The following RBFOX3 variants were observed in gnomAD, a reference collection of about 807,000 sequenced individuals.
The protein encoded by RBFOX3 is RNA binding protein fox-1 homolog 3.
A neutral mutation model predicts 48.7 loss-of-function variants in RBFOX3; 17 were observed. The ratio of observed to expected loss-of-function variants is 0.35; its 90% CI spans 0.24 to 0.52. The LOEUF is 0.52. Among genes scored for constraint, RBFOX3 ranks in the 20% least tolerant of loss-of-function variants. The pLI is 0.94. For synonymous variants in RBFOX3, 212 were observed against 209.5 expected (o/e 1.01, Z -0.10); for missense variants, 382 against 497.5 (o/e 0.77, Z 2.21).
chr17:79,663,574 C>T, the RBFOX3 span, among the ~76,000 whole-genome samples: 1 of 152,180 alleles, frequency 6.6e-6, no homozygotes. Context: ...GTTCCTCATT[C>T]TTTGCCACTT....
In RBFOX3 at chr17:79,089,848, G is replaced by A. The variant is rs1216096652; in HGVS notation, c.*1035C>T. ...CACCTGCCTTGGGAGCAGGGAAGGG[G>A]CCGGCCCAGGCTTCCCCATCCCTTG... On this transcript the variant is annotated 3_prime_UTR_variant, in exon 15 of 15. Coordinates refer to ENST00000693108, the MANE Select transcript of RBFOX3 (RefSeq NM_001350451.2). 2.0e-5 allele frequency: 3 copies of A among 152,520 alleles called. No individual in the cohort carries two copies. Among genetic ancestry groups the A allele is most frequent in the African/African-American group, 4.8e-5 (2 of 41,444 alleles). The allele number at this position is 152,520 out of a possible 1,614,324, so 9.4% of individuals were successfully genotyped here. A position where few individuals can be genotyped will look rare whatever the true frequency, so the allele number is the denominator to read the frequency against.
chr17:79,628,611 G>A, the RBFOX3 span, among the ~76,000 whole-genome samples: 30 of 152,258 alleles, frequency 2.0e-4, no homozygotes, highest in African/African-American at 7.0e-4. Flanking sequence ...GGGGCACTCG[G>A]TGCATTCACC....
intron 4 of RBFOX3, among the ~76,000 whole-genome samples, chr17:79,169,866 C>T (rs774206517): frequency 2.7e-5 from 4 of 149,888 alleles, no homozygotes; most frequent in African/African-American, 7.4e-5. Flanking sequence ...GTAAATGTTA[C>T]GATACGTAAA....
At chr17:79,172,936 A>T (rs1014212401) in intron 4 of RBFOX3, among the ~76,000 whole-genome samples, 3 of 152,172 alleles carry the variant, frequency 2.0e-5, no homozygotes, top group African/African-American at 7.2e-5. Flanking sequence ...CAGACGGGTG[A>T]GGTGGCTCAT....
chr17:79,366,247 G>C (rs549568971), intron 2 of RBFOX3, among the ~76,000 whole-genome samples: 1 of 152,222 alleles, frequency 6.6e-6, no homozygotes, highest in Non-Finnish European at 1.5e-5. Flanking sequence ...TCTGGTAGAC[G>C]ATCAGGCATC....
rs375986774 is a variant in RBFOX3, at chr17:79,097,541, G to A, written c.623-117C>T. On this transcript the variant is annotated intron_variant, in intron 10 of 14. Transcript: ENST00000693108. ...AGCCCCCAACCCCTCCCCAAGCCCC[G>A]CCCCCGGAGCGCTACTCAGTCAACA... The A allele has an allele frequency of 1.5e-3, 772 of 500,254 alleles. 5 individuals carry two copies. In the African/African-American group the frequency reaches 0.049, roughly 32 times the overall value. 31.0% of individuals were successfully genotyped at this position (500,254 alleles called of 1,614,324 possible).
chr17:79,543,442 C>T (rs2089991073), intron 1 of RBFOX3, among the ~76,000 whole-genome samples: 1 of 152,048 alleles, frequency 6.6e-6, no homozygotes, highest in Non-Finnish European at 1.5e-5. Context: ...AGAATTTCCC[C>T]TCCTGACAAG....
Position 79,425,466 on chromosome 17 carries a change from G to A in RBFOX3, c.-175+56988C>T, listed in dbSNP as rs544383504. Among the ~76,000 whole-genome samples the A allele has an allele frequency of 3.3e-5, 5 of 152,374 alleles. No homozygotes were observed. In the South Asian group the frequency reaches 1.0e-3, roughly 32 times the overall value. On this transcript the variant is annotated intron_variant, in intron 2 of 14. Coordinates refer to ENST00000693108, the MANE Select transcript of RBFOX3 (RefSeq NM_001350451.2). ...GAAGGAGGCACCTCCCACCCGGACT[G>A]GAGCCGTGTCCACAGCTGCCAAGGA...
intron 2 of RBFOX3, among the ~76,000 whole-genome samples, chr17:79,324,760 G>T (rs896465230): frequency 6.6e-6 from 1 of 152,212 alleles, no homozygotes; most frequent in African/African-American, 2.4e-5. Context: ...GCCAACACCT[G>T]GCCGAGCAAC....
chr17:79,488,525 T>C (rs1309637671), intron 1 of RBFOX3, among the ~76,000 whole-genome samples: 1 of 152,204 alleles, frequency 6.6e-6, no homozygotes, highest in Non-Finnish European at 1.5e-5. Context: ...CCTTGGAACA[T>C]TCCAGGCCAT....
At chr17:79,638,890 C>T in the RBFOX3 span, among the ~76,000 whole-genome samples, 5 of 152,200 alleles carry the variant, frequency 3.3e-5, no homozygotes, top group Non-Finnish European at 5.9e-5. Context: ...TGGCATCACA[C>T]TTTTTGTAGT....
At chr17:79,309,600 C>A (rs935117819) in intron 2 of RBFOX3, among the ~76,000 whole-genome samples, 4 of 152,220 alleles carry the variant, frequency 2.6e-5, no homozygotes, top group Admixed American at 1.3e-4. Flanking sequence ...CCTGCCGCAT[C>A]TACTCATGGC....
rs528025054 is a variant in RBFOX3, at chr17:79,421,042, A to G, written c.-175+61412T>C. Among the ~76,000 whole-genome samples, 5 of 150,900 alleles carry G rather than the reference A, an allele frequency of 3.3e-5. No individual in the cohort carries two copies. Among genetic ancestry groups the G allele is most frequent in the Non-Finnish European group, 5.9e-5 (4 of 67,576 alleles). ...CCCTGGTGGGTTGAGGGGCTTCCCT[A>G]CTGGGTGAGCCTCCCCAGGTGGGTC... On this transcript the variant is annotated intron_variant, in intron 2 of 14. Transcript: ENST00000693108. This position sits in a 1 kb window ranked among gnomAD's most constrained non-coding sequence, Gnocchi z 4.5.
Position 79,247,186 on chromosome 17 carries a change from C to T in RBFOX3, c.-73-11381G>A, listed in dbSNP as rs534435855. Among the ~76,000 whole-genome samples the T allele has an allele frequency of 2.7e-3, 407 of 152,124 alleles. 1 individual carries two copies. Among genetic ancestry groups the T allele is most frequent in the African/African-American group, 9.0e-3 (372 of 41,498 alleles). On this transcript the variant is annotated intron_variant, in intron 3 of 14. Coordinates refer to ENST00000693108, the MANE Select transcript of RBFOX3 (RefSeq NM_001350451.2). ...TAGAATGGCTGGTCTGTGGAGCCCACGGGAGCCAGCCGGAGGTCCTAAAAA... is the reference window on the plus strand; with the variant it reads ...TAGAATGGCTGGTCTGTGGAGCCCATGGGAGCCAGCCGGAGGTCCTAAAAA...
intron 2 of RBFOX3, among the ~76,000 whole-genome samples, chr17:79,448,827 C>T (rs781824152): frequency 6.6e-6 from 1 of 152,168 alleles, no homozygotes; most frequent in African/African-American, 2.4e-5. Flanking sequence ...TCTCCCTCTC[C>T]CCACCTGGAC....
At chr17:79,312,566 T>C (rs1011654685) in intron 2 of RBFOX3, among the ~76,000 whole-genome samples, 2 of 151,896 alleles carry the variant, frequency 1.3e-5, no homozygotes, top group Non-Finnish European at 2.9e-5. Flanking sequence ...TGGGGGCAGG[T>C]GGTGGGGCTG....
rs924969064 is a variant in RBFOX3 at position 79,473,235 on chromosome 17, C to A, written c.-175+9219G>T. On this transcript the variant is annotated intron_variant, in intron 2 of 14. Coordinates refer to ENST00000693108, the MANE Select transcript of RBFOX3 (RefSeq NM_001350451.2). The surrounding 1 kb of genome is among the most constrained non-coding windows in gnomAD (Gnocchi z 4.2). ...CAGCACCTCACGGGCTGGCACCCAT[C>A]CACAGACCTCACTTTGAGTAGCTGA... Among the ~76,000 whole-genome samples the A allele has an allele frequency of 1.3e-5, 2 of 152,228 alleles. No individual in the cohort carries two copies. Among genetic ancestry groups the A allele is most frequent in the African/African-American group, 4.8e-5 (2 of 41,454 alleles).
At chr17:79,384,458 TG>T (rs1313286705) in intron 2 of RBFOX3, among the ~76,000 whole-genome samples, 1 of 152,018 alleles carries the variant, frequency 6.6e-6, no homozygotes, top group East Asian at 1.9e-4. Context: ...GCAGGGTGAC[TG>T]CACAGGGGGT....
the RBFOX3 span, among the ~76,000 whole-genome samples, chr17:79,620,169 A>ACG: frequency 7.9e-5 from 11 of 139,104 alleles, no homozygotes; most frequent in East Asian, 3.8e-4. Flanking sequence ...GGACATGCAC[A>ACG]CACATGCACA....
Sources: allele counts gnomAD v4.1 joint callset (sites outside exome capture counted in the v4.1 genomes callset), GRCh38; gene constraint gnomAD v4.1.1; non-coding constraint Gnocchi (gnomAD v3.1); transcripts MANE v1.5; gene names NCBI Gene and HGNC (gene_info 2026-07-23, HGNC 2026-07-21).